The following CORO2B variants were observed in gnomAD, a reference collection of about 807,000 sequenced individuals.
CORO2B encodes the protein coronin 2B.
CORO2B carries 26 observed loss-of-function variants against 58.8 expected under a neutral mutation model. The ratio of observed to expected loss-of-function variants is 0.44; its 90% confidence interval spans 0.32 to 0.61. CORO2B has a LOEUF of 0.61. CORO2B is among the 20% of genes least tolerant of loss of function. CORO2B has a pLI of 0.04. For missense variants in CORO2B, 460 were observed against 645.1 expected, an observed-to-expected ratio of 0.71 and a Z score of 3.11; for synonymous variants, 242 against 253.8, an observed-to-expected ratio of 0.95 and a Z score of 0.44.
chr15:68,542,920 A>G, the CORO2B span, among the ~76,000 whole-genome samples: 1 of 152,154 alleles, frequency 6.6e-6, no homozygotes, highest in African/African-American at 2.4e-5. Context: ...AGCTCTGACA[A>G]TCAGCAATCA....
chr15:68,521,143 A>G, the CORO2B span, among the ~76,000 whole-genome samples: 24 of 152,094 alleles, frequency 1.6e-4, no homozygotes, highest in Admixed American at 1.5e-3. Flanking sequence ...TTGGTTTTAC[A>G]TCTACCATCT....
intron 8 of CORO2B, among the ~76,000 whole-genome samples, chr15:68,717,229 G>T (rs910334781): frequency 2.4e-4 from 36 of 151,742 alleles, no homozygotes; most frequent in Middle Eastern, 3.4e-3. Flanking sequence ...CAGGAGAATC[G>T]CTTGAACCCG....
the CORO2B span, among the ~76,000 whole-genome samples, chr15:68,566,759 C>T: frequency 2.9e-4 from 44 of 152,328 alleles, no homozygotes; most frequent in African/African-American, 1.0e-3. Flanking sequence ...TATATCCAGG[C>T]ACCCTTGGGG....
At chr15:68,717,714 C>T (rs958530398) in intron 8 of CORO2B, among the ~76,000 whole-genome samples, 4 of 152,236 alleles carry the variant, frequency 2.6e-5, no homozygotes, top group African/African-American at 4.8e-5. Flanking sequence ...ACCGAATCTG[C>T]TGGCTCTTAA....
intron 2 of CORO2B, among the ~76,000 whole-genome samples, chr15:68,677,534 G>A (rs556045032): frequency 1.6e-4 from 25 of 152,310 alleles, no homozygotes; most frequent in South Asian, 6.2e-4. Context: ...AGATGGTGGC[G>A]GGGGGATGCT....
At chr15:68,656,527 C>A (rs1303126287) in intron 2 of CORO2B, among the ~76,000 whole-genome samples, 1 of 152,100 alleles carries the variant, frequency 6.6e-6, no homozygotes, top group African/African-American at 2.4e-5. Flanking sequence ...CTAGTTAGTG[C>A]CCCATGTGTC....
At chr15:68,531,501 AAGGAAGGAAGGAAGGAAGG>A in the CORO2B span, among the ~76,000 whole-genome samples, 1 of 4,692 alleles carries the variant, frequency 2.1e-4, no homozygotes, top group African/African-American at 6.0e-4. Context: ...TATCTCAAAA[AAGGAAGGAAGGAAGGAAGG>A]AAGGAAGGAA....
intron 1 of CORO2B, among the ~76,000 whole-genome samples, chr15:68,615,244 G>C (rs988768558): frequency 3.3e-5 from 5 of 152,168 alleles, no homozygotes; most frequent in African/African-American, 4.8e-5. Context: ...CAGTTAGTTA[G>C]TAATTCCCTA....
chr15:68,540,094 A>G, the CORO2B span, among the ~76,000 whole-genome samples: 54 of 152,250 alleles, frequency 3.5e-4, no homozygotes, highest in Admixed American at 1.0e-3. Flanking sequence ...ATTTGAAATC[A>G]CATCAGTATG....
At chr15:68,522,163 A>G in the CORO2B span, among the ~76,000 whole-genome samples, 26 of 152,176 alleles carry the variant, frequency 1.7e-4, 1 homozygote, top group Middle Eastern at 0.01. Context: ...AAGATTCACA[A>G]TGATGTTTCT....
the CORO2B span, among the ~76,000 whole-genome samples, chr15:68,531,555 G>GGAAGGAAGGAAAGAAAGAAAGA: frequency 6.3e-4 from 49 of 77,814 alleles, no homozygotes; most frequent in Admixed American, 1.3e-3. Context: ...AAGGAAGGAA[G>GGAAGGAAGGAAAGAAAGAAAGA]GAAAGAAAGA....
chr15:68,676,031 CAG>C (rs1902575673), intron 2 of CORO2B, among the ~76,000 whole-genome samples: 2 of 151,940 alleles, frequency 1.3e-5, no homozygotes, highest in African/African-American at 4.8e-5. Flanking sequence ...GGGAAGGGGA[CAG>C]GGGTGTGGGC....
At chr15:68,609,007 G>A (rs746648381) in intron 1 of CORO2B, among the ~76,000 whole-genome samples, 49 of 152,226 alleles carry the variant, frequency 3.2e-4, no homozygotes, top group Non-Finnish European at 6.6e-4. Flanking sequence ...GTGCAGCAGA[G>A]AGGAAATCAA....
chr15:68,587,093 CACAA>C (rs1899584926), intron 1 of CORO2B, among the ~76,000 whole-genome samples: 1 of 144,426 alleles, frequency 6.9e-6, no homozygotes, highest in South Asian at 2.2e-4. Context: ...CACACACACA[CACAA>C]TTTTTTTCTA....
At chr15:68,624,822 A>C (rs1900631626) in intron 1 of CORO2B, among the ~76,000 whole-genome samples, 1 of 152,026 alleles carries the variant, frequency 6.6e-6, no homozygotes, top group Non-Finnish European at 1.5e-5. Context: ...AGCTGGGATT[A>C]CGGGTGCCTA....
chr15:68,686,034 T>C (rs922549929), intron 2 of CORO2B, among the ~76,000 whole-genome samples: 1 of 149,786 alleles, frequency 6.7e-6, no homozygotes, highest in Admixed American at 6.6e-5. Context: ...TTTTTTTTTT[T>C]TTTCTTTTTT....
Position 68,726,908 on chromosome 15 carries a change from C to T in CORO2B, c.*934C>T, listed in dbSNP as rs1893316306. On this transcript the variant is annotated 3_prime_UTR_variant, in exon 12 of 12. Coordinates refer to ENST00000261861, the MANE Select transcript of CORO2B (RefSeq NM_006091.5). Reference sequence around the variant, plus strand: ...GCCACTGCTACCGTCTACCCAGCACCAGTAGTGCCGATGTGCCACACTGCC... The same window carrying T: ...GCCACTGCTACCGTCTACCCAGCACTAGTAGTGCCGATGTGCCACACTGCC... The T allele has an allele frequency of 6.6e-6, 1 of 152,332 alleles. No individual in the cohort carries two copies. The highest frequency in any genetic ancestry group is 1.5e-5 in the Non-Finnish European group (1 of 68,150). The allele number at this position is 152,332 out of a possible 1,614,324, so 9.4% of individuals were successfully genotyped here.
At chr15:68,601,742 T>C (rs765315771) in intron 1 of CORO2B, among the ~76,000 whole-genome samples, 2 of 152,130 alleles carry the variant, frequency 1.3e-5, no homozygotes, top group South Asian at 4.1e-4. Flanking sequence ...AGAAGTTGAG[T>C]GCAGCTGGGG....
At chr15:68,661,229 C>T (rs1390327118) in intron 2 of CORO2B, among the ~76,000 whole-genome samples, 2 of 152,082 alleles carry the variant, frequency 1.3e-5, no homozygotes, top group Admixed American at 6.6e-5. Flanking sequence ...CCACCCACCT[C>T]GGCCTCCCAA....
Sources: gnomAD v4.1 joint callset for allele counts (sites outside exome capture counted in the v4.1 genomes callset) on GRCh38, gnomAD v4.1.1 for gene constraint, MANE v1.5 for transcripts, NCBI Gene and HGNC (gene_info 2026-07-23, HGNC 2026-07-21) for gene names.